PCDHA6: variants seen among roughly 807,000 people sequenced by gnomAD.
PCDHA6 encodes protocadherin alpha 6.
A neutral mutation model predicts 60.3 loss-of-function variants in PCDHA6; 55 were observed. The observed-to-expected ratio is 0.91, with a 90% CI of 0.73 to 1.14. The LOEUF is 1.14. Among genes scored for constraint, PCDHA6 ranks in the 50% most tolerant of loss-of-function variants. The pLI is 0.00. For missense variants in PCDHA6, 1,327 were observed against 1,256.5 expected, an observed-to-expected ratio of 1.06 and a Z score of -0.85; for synonymous variants, 652 against 557.9, an observed-to-expected ratio of 1.17 and a Z score of -2.38.
intron 1 of PCDHA6, among the ~76,000 whole-genome samples, chr5:140,899,629 G>T (rs2067446538): frequency 6.6e-6 from 1 of 152,116 alleles, no homozygotes; most frequent in African/African-American, 2.4e-5. Flanking sequence ...AAGGATATTG[G>T]TCTAAAATTC....
chr5:140,868,091 G>T (rs1355947056), intron 1 of PCDHA6: 1 of 151,974 alleles, frequency 6.6e-6, no homozygotes, highest in African/African-American at 2.4e-5. Flanking sequence ...TTTATAAAAT[G>T]ATAATAAAAT....
At chr5:140,927,627 T>A (rs145171269) in intron 1 of PCDHA6, 5 of 1,614,062 alleles carry the variant, frequency 3.1e-6, no homozygotes, top group Non-Finnish European at 3.4e-6. Flanking sequence ...TTCCAGAGAC[T>A]GCACCCAATG....
intron 1 of PCDHA6, chr5:140,883,392 C>T (rs1554178015): frequency 1.9e-6 from 3 of 1,614,184 alleles, no homozygotes; most frequent in South Asian, 2.2e-5. Flanking sequence ...ATCAGTGTGT[C>T]CGATCGTGAC....
chr5:140,945,654 AT>A (rs1230046600), intron 1 of PCDHA6, among the ~76,000 whole-genome samples: 5 of 152,294 alleles, frequency 3.3e-5, no homozygotes, highest in Admixed American at 3.3e-4. Flanking sequence ...ATGGAGCAGA[AT>A]ACAGCTCCCA....
At chr5:140,853,910 T>G (rs2042903621) in intron 1 of PCDHA6, 1 of 948,962 alleles carries the variant, frequency 1.1e-6, no homozygotes, top group Non-Finnish European at 1.3e-6. Context: ...GCCTGACACC[T>G]GCAATCCCAA....
intron 1 of PCDHA6, among the ~76,000 whole-genome samples, chr5:140,953,309 G>A (rs563699783): frequency 1.3e-5 from 2 of 152,220 alleles, no homozygotes; most frequent in East Asian, 1.9e-4. Flanking sequence ...AGAGATGTGG[G>A]AAGAATTTGA....
At position 140,845,518 on chromosome 5, in the gene PCDHA6, T is replaced by C. The variant is rs984046956; in HGVS notation, c.2394+15033T>C. On this transcript the variant is annotated intron_variant, in intron 1 of 3. Coordinates refer to ENST00000529310, the MANE Select transcript of PCDHA6 (RefSeq NM_018909.4). ...AAAGTCTAAACCTATTTCTTGTACATTAATACTTTTCACTATTCTAATTAT... is the reference window on the plus strand; with the variant it reads ...AAAGTCTAAACCTATTTCTTGTACACTAATACTTTTCACTATTCTAATTAT... Among the ~76,000 whole-genome samples the C allele has an allele frequency of 1.3e-5, 2 of 149,636 alleles. 1 individual carries two copies. The highest frequency in any genetic ancestry group is 3.0e-5 in the Non-Finnish European group (2 of 66,854).
chr5:140,904,134 C>T (rs1583515585), intron 1 of PCDHA6, among the ~76,000 whole-genome samples: 2 of 152,002 alleles, frequency 1.3e-5, no homozygotes, highest in Admixed American at 6.6e-5. Flanking sequence ...ACCCATCACC[C>T]GAGCAGTATA....
chr5:140,981,626 T>A (rs1199717691), intron 2 of PCDHA6, among the ~76,000 whole-genome samples: 1 of 152,176 alleles, frequency 6.6e-6, no homozygotes, highest in Middle Eastern at 3.2e-3. Flanking sequence ...GAGGGTTTTC[T>A]TGGACATTTT....
intron 1 of PCDHA6, among the ~76,000 whole-genome samples, chr5:140,893,392 C>T (rs116952410): frequency 6.6e-6 from 1 of 152,112 alleles, no homozygotes; most frequent in African/African-American, 2.4e-5. Context: ...GTGGCTCATG[C>T]CTGTAATCCC....
At chr5:140,842,109 A>C (rs2150329529) in intron 1 of PCDHA6, 16 of 1,613,740 alleles carry the variant, frequency 9.9e-6, no homozygotes, top group Non-Finnish European at 1.4e-5. Context: ...ACAGTTATCA[A>C]ACTGAATGCT....
rs2150228376 is a variant in PCDHA6, at chr5:140,834,869, C to A, written c.2394+4384C>A. On this transcript the variant is annotated intron_variant, in intron 1 of 3. Transcript: ENST00000529310. ...TAGAGGGCGCGTCCGATGCAGATAT[C>A]GGGGAGAACGCCCTGCTCACTTACA... 5.6e-6 allele frequency: 9 copies of A among 1,609,116 alleles called. No homozygotes were observed. The African/African-American group carries it at 9.5e-5, about 17-fold the overall frequency.
Position 140,982,372 on chromosome 5 carries a change from C to G in PCDHA6, c.2454-103C>G, listed in dbSNP as rs1479669249. 1.9e-6 allele frequency: 3 copies of G among 1,554,840 alleles called. No homozygotes were observed. In the East Asian group the frequency reaches 7.0e-5, roughly 36 times the overall value. ...TTCAAGCATGAGCAGAATGTGTTAG[C>G]TGCAGCCCTGGCTTCATAGTTGTAA... On this transcript the variant is annotated intron_variant, in intron 2 of 3. Coordinates refer to ENST00000529310, the MANE Select transcript of PCDHA6 (RefSeq NM_018909.4).
At chr5:140,976,688 G>T (rs1343503965) in intron 1 of PCDHA6, among the ~76,000 whole-genome samples, 2 of 152,118 alleles carry the variant, frequency 1.3e-5, no homozygotes, top group East Asian at 3.8e-4. Context: ...TGCAATTTAA[G>T]TACAATAATG....
chr5:140,972,056 G>A (rs995898254), intron 1 of PCDHA6, among the ~76,000 whole-genome samples: 8 of 152,106 alleles, frequency 5.3e-5, no homozygotes, highest in Non-Finnish European at 1.2e-4. Flanking sequence ...TCACCTAGTC[G>A]TATATATTAA....
At chr5:140,876,602 G>C (rs572945874) in intron 1 of PCDHA6, 2 of 1,614,180 alleles carry the variant, frequency 1.2e-6, no homozygotes, top group Non-Finnish European at 1.7e-6. Flanking sequence ...GTGTCGGATC[G>C]TGACTCTGGA....
At chr5:140,899,753 T>G (rs2067532965) in intron 1 of PCDHA6, among the ~76,000 whole-genome samples, 1 of 152,244 alleles carries the variant, frequency 6.6e-6, no homozygotes, top group African/African-American at 2.4e-5. Flanking sequence ...TCAGAAGGAA[T>G]GGTACCAGTT....
chr5:140,857,674 G>A lies in PCDHA6; in HGVS notation c.2394+27189G>A, dbSNP rs1581464423. 2.5e-6 allele frequency: 4 copies of A among 1,596,892 alleles called. No individual in the cohort carries two copies. In the East Asian group the frequency reaches 6.7e-5, roughly 27 times the overall value. ...TGAGCGCGCGCGATGGGGGCGTGCC[G>A]CCTCTGGGCAGCAACTTGACGCTGC... On this transcript the variant is annotated intron_variant, in intron 1 of 3. Coordinates refer to ENST00000529310, the MANE Select transcript of PCDHA6 (RefSeq NM_018909.4).
At chr5:140,849,659 C>T in intron 1 of PCDHA6, 4 of 1,598,722 alleles carry the variant, frequency 2.5e-6, no homozygotes, top group Non-Finnish European at 3.4e-6. Flanking sequence ...TTACCTGCTC[C>T]CTGACGCCCC....
Sources: gnomAD v4.1 joint callset for allele counts (sites outside exome capture counted in the v4.1 genomes callset) on GRCh38, gnomAD v4.1.1 for gene constraint, MANE v1.5 for transcripts, NCBI Gene and HGNC (gene_info 2026-07-23, HGNC 2026-07-21) for gene names.